The following SP3 variants were observed in gnomAD, a reference collection of about 807,000 sequenced individuals.
The protein encoded by SP3 is transcription factor Sp3.
A neutral mutation model predicts 70.3 loss-of-function variants in SP3; 10 were observed. The ratio of observed to expected loss-of-function variants is 0.14; its 90% CI spans 0.09 to 0.24. SP3 has a LOEUF of 0.24. Among genes scored for constraint, SP3 ranks in the 10% least tolerant of loss-of-function variants. The pLI, the probability that SP3 is intolerant of heterozygous loss-of-function variation, is 1.00. For synonymous variants in SP3, 402 were observed against 333.5 expected (o/e 1.21, Z -2.24); for missense variants, 825 against 914.6 (o/e 0.90, Z 1.26).
intron 3 of SP3, chr2:173,963,036 T>C (rs763858303): frequency 6.6e-6 from 1 of 152,258 alleles, no homozygotes; most frequent in Non-Finnish European, 1.5e-5. Flanking sequence ...ATAAGTATTG[T>C]ACTACTAGTA....
At chr2:173,947,165 G>T (rs1559104555) in intron 4 of SP3, among the ~76,000 whole-genome samples, 2 of 152,144 alleles carry the variant, frequency 1.3e-5, no homozygotes, top group African/African-American at 2.4e-5. Context: ...AATAAAACTT[G>T]ATCTGTAGAT....
In SP3 at chr2:173,909,896, C is replaced by G; in HGVS notation, c.*45G>C. On this transcript the variant is annotated 3_prime_UTR_variant, in exon 7 of 7. Coordinates refer to ENST00000310015, the MANE Select transcript of SP3 (RefSeq NM_003111.5). ...GAACTTAGGAACAATATTCTTCTCACTACTGTATAAAAATAACCACAATGA... is the reference window on the plus strand; with the variant it reads ...GAACTTAGGAACAATATTCTTCTCAGTACTGTATAAAAATAACCACAATGA... 6.4e-7 allele frequency: 1 copy of G among 1,570,546 alleles called. No individual in the cohort carries two copies. The highest frequency in any genetic ancestry group is 1.1e-5 in the South Asian group (1 of 87,790).
rs776984756 is a variant in SP3 at position 173,956,079 on chromosome 2, T to C, written c.433A>G (p.Asn145Asp). The change falls in exon 4 of 7, where the codon AAT (asparagine) becomes GAT (aspartate). Residue 145 changes from asparagine to aspartate, a missense_variant. By Grantham distance (23) the Asn-to-Asp change is conservative. Coordinates refer to ENST00000310015, the MANE Select transcript of SP3 (RefSeq NM_003111.5). ...GAAAATATTTGTTGATTCTGCAAAT[T>C]CTGAAGGGGAAGAACATACTGCCCA... The part of the protein sequence containing the change: ...SSGQYVLPLQ[N>D]LQNQQIFSVA... 10 of 1,614,026 alleles carry C rather than the reference T, an allele frequency of 6.2e-6. No individual in the cohort carries two copies. The highest frequency in any genetic ancestry group is 8.5e-6 in the Non-Finnish European group (10 of 1,180,022).
chr2:173,922,232 T>C (rs1297452571), intron 4 of SP3, among the ~76,000 whole-genome samples: 2 of 151,900 alleles, frequency 1.3e-5, no homozygotes, highest in Non-Finnish European at 2.9e-5. Context: ...GCTAACAGAT[T>C]GATAACAGGT....
At chr2:173,938,821 T>C (rs1690281591) in intron 4 of SP3, among the ~76,000 whole-genome samples, 1 of 152,222 alleles carries the variant, frequency 6.6e-6, no homozygotes, top group Non-Finnish European at 1.5e-5. Flanking sequence ...TCAATGTTAA[T>C]ATACCATTTA....
At position 173,906,558 on chromosome 2, in the gene SP3, C is replaced by G. The variant is rs903004437; in HGVS notation, c.*3383G>C. ...TAAAACTGAAAACCAAATTGTGTAA[C>G]AGGTAGCATAACATGTCAGTTTATA... On this transcript the variant is annotated 3_prime_UTR_variant, in exon 7 of 7. Transcript: ENST00000310015. 1 of 152,148 alleles carries G rather than the reference C, an allele frequency of 6.6e-6. No homozygotes were observed. Among genetic ancestry groups the G allele is most frequent in the African/African-American group, 2.4e-5 (1 of 41,432 alleles). The allele number at this position is 152,148 out of a possible 1,614,324, so 9.4% of individuals were successfully genotyped here.
In SP3 at chr2:173,908,195, G is replaced by A. The variant is rs1574392730; in HGVS notation, c.*1746C>T. 1.3e-5 allele frequency: 2 copies of A among 152,084 alleles called. No individual in the cohort carries two copies. Among genetic ancestry groups the A allele is most frequent in the Admixed American group, 1.3e-4 (2 of 15,286 alleles). 9.4% of individuals were successfully genotyped at this position (152,084 alleles called of 1,614,324 possible). ...TTCAGGAGTCTTAATGTAAATTCAGGTTTTCGATAAATCAAAATATTCTGC... is the reference window on the plus strand; with the variant it reads ...TTCAGGAGTCTTAATGTAAATTCAGATTTTCGATAAATCAAAATATTCTGC... On this transcript the variant is annotated 3_prime_UTR_variant, in exon 7 of 7. Coordinates refer to ENST00000310015, the MANE Select transcript of SP3 (RefSeq NM_003111.5).
intron 3 of SP3, among the ~76,000 whole-genome samples, chr2:173,958,705 G>A (rs1690970124): frequency 6.6e-6 from 1 of 151,358 alleles, no homozygotes; most frequent in African/African-American, 2.4e-5. Context: ...TAAATGGAAT[G>A]GAAAAAACAC....
intron 4 of SP3, among the ~76,000 whole-genome samples, chr2:173,944,637 C>A (rs73028261): frequency 6.6e-6 from 1 of 152,204 alleles, no homozygotes; most frequent in East Asian, 1.9e-4. Context: ...TACGGCATTA[C>A]TGAAAAATAT....
rs1042216525 is a variant in SP3 at position 173,905,519 on chromosome 2, T to C, written c.*4422A>G. Among the ~76,000 whole-genome samples, 1 of 152,274 alleles carries C rather than the reference T, an allele frequency of 6.6e-6. No homozygotes were observed. The highest frequency in any genetic ancestry group is 2.1e-4 in the South Asian group (1 of 4,826). ...GAAAAGGACTGAAGGAGATAGGCCT[T>C]CTCAGGATATCATTCTTAACATCAA... On this transcript the variant is annotated 3_prime_UTR_variant, in exon 7 of 7. Coordinates refer to ENST00000310015, the MANE Select transcript of SP3 (RefSeq NM_003111.5).
chr2:173,938,853 T>A (rs1690282388), intron 4 of SP3, among the ~76,000 whole-genome samples: 1 of 152,206 alleles, frequency 6.6e-6, no homozygotes, highest in Non-Finnish European at 1.5e-5. Context: ...TAGAATCATG[T>A]GCATGTCTGT....
chr2:173,954,430 A>C (rs1690814593), intron 4 of SP3, among the ~76,000 whole-genome samples: 1 of 152,150 alleles, frequency 6.6e-6, no homozygotes, highest in Non-Finnish European at 1.5e-5. Context: ...GGTCAAAATC[A>C]CACACCTAGC....
Position 173,909,722 on chromosome 2 carries a change from T to C in SP3, c.*219A>G, listed in dbSNP as rs1287529897. ...TAACTTGGTAAAATTTCATTTCTTC[T>C]AGATTCCAAAAGTACCTACAAAACC... On this transcript the variant is annotated 3_prime_UTR_variant, in exon 7 of 7. Coordinates refer to ENST00000310015, the MANE Select transcript of SP3 (RefSeq NM_003111.5). The C allele has an allele frequency of 4.9e-6, 2 of 410,026 alleles. No individual in the cohort carries two copies. Among genetic ancestry groups the C allele is most frequent in the Admixed American group, 4.1e-5 (1 of 24,204 alleles). 25.4% of individuals were successfully genotyped at this position (410,026 alleles called of 1,614,324 possible).
Position 173,956,204 on chromosome 2 carries a change from C to G in SP3, c.308G>C (p.Gly103Ala). 1 of 1,609,262 alleles carries G rather than the reference C, an allele frequency of 6.2e-7. No homozygotes were observed. The highest frequency in any genetic ancestry group is 2.2e-5 in the East Asian group (1 of 44,756). ...AACCTCCCATCGGTTTGGTGCTCCT[C>G]CTAACTGTGCAGAAGCCAAATCACC... is the stretch of plus-strand genomic sequence containing the variant. ...ATGDLASAQL[G>A]GAPNRWEVLS... The change falls in exon 4 of 7, where the codon GGA becomes GCA. Residue 103 changes from glycine to alanine, a missense_variant. Physicochemically the swap from Gly to Ala is moderately conservative, Grantham distance 60 (BLOSUM62 0). Around this residue, in one of 4 missense-constraint regions of SP3, gnomAD observed 678 missense variants for 651.6 expected, o/e 1.04. Coordinates refer to ENST00000310015, the MANE Select transcript of SP3 (RefSeq NM_003111.5).
intron 4 of SP3, among the ~76,000 whole-genome samples, chr2:173,923,104 G>A (rs1689804290): frequency 6.6e-6 from 1 of 152,126 alleles, no homozygotes; most frequent in African/African-American, 2.4e-5. Flanking sequence ...AGAAATTCAA[G>A]GAAATGTGTA....
chr2:173,925,227 T>C (rs781091613), intron 4 of SP3, among the ~76,000 whole-genome samples: 2 of 152,184 alleles, frequency 1.3e-5, no homozygotes, highest in South Asian at 4.1e-4. Flanking sequence ...AAATATTCTA[T>C]TGTATGTATA....
intron 4 of SP3, among the ~76,000 whole-genome samples, chr2:173,933,638 T>TTATATAGATATATATA (rs1553516839): frequency 1.2e-5 from 1 of 86,566 alleles, no homozygotes; most frequent in Non-Finnish European, 2.4e-5. Context: ...TTATAAAACT[T>TTATATAGATATATATA]TATATATATA....
chr2:173,962,761 C>A (rs1056447611), intron 3 of SP3, among the ~76,000 whole-genome samples: 2 of 152,106 alleles, frequency 1.3e-5, no homozygotes, highest in African/African-American at 2.4e-5. Flanking sequence ...TTCCTATGAT[C>A]CACCACACAC....
At chr2:173,912,334 T>C (rs1374762645) in intron 6 of SP3, among the ~76,000 whole-genome samples, 1 of 152,258 alleles carries the variant, frequency 6.6e-6, no homozygotes, top group African/African-American at 2.4e-5. Flanking sequence ...GAACTTGGAT[T>C]GGAATCCAGA....
Sources: gnomAD v4.1 joint callset for allele counts (sites outside exome capture counted in the v4.1 genomes callset) on GRCh38, gnomAD v4.1.1 for gene constraint, gnomAD v4.1.1 regional missense constraint, MANE v1.5 for transcripts, NCBI Gene and HGNC (gene_info 2026-07-23, HGNC 2026-07-21) for gene names.